WDR49: variants seen among roughly 807,000 people sequenced by gnomAD.
WDR49 encodes the protein WD repeat domain 49.
In WDR49, 107 loss-of-function variants were observed where a neutral mutation model predicts 119.5. The ratio of observed to expected loss-of-function variants is 0.90; its 90% CI spans 0.77 to 1.05. The LOEUF (loss-of-function observed/expected upper bound fraction) is 1.05, where lower values mean the gene tolerates loss of function less well. Among genes scored for constraint, WDR49 ranks in the 50% least tolerant of loss-of-function variants. WDR49 has a pLI of 0.00. For missense variants in WDR49, 1,240 were observed against 1,220.5 expected (o/e 1.02, Z -0.24); for synonymous variants, 425 against 418.8 (o/e 1.01, Z -0.18).
intron 10 of WDR49, among the ~76,000 whole-genome samples, chr3:167,539,564 C>A (rs996696211): frequency 1.3e-5 from 2 of 152,102 alleles, no homozygotes; most frequent in Non-Finnish European, 2.9e-5. Flanking sequence ...AGCTCCTTGG[C>A]TAAATTATAA....
At chr3:167,483,259 G>A (rs2108189015) in intron 18 of WDR49, among the ~76,000 whole-genome samples, 1 of 152,314 alleles carries the variant, frequency 6.6e-6, no homozygotes, top group Non-Finnish European at 1.5e-5. Context: ...CTGCAGATTA[G>A]CACTTTAGAA....
chr3:167,575,022 C>T (rs1032453558), intron 8 of WDR49: 11 of 983,616 alleles, frequency 1.1e-5, no homozygotes, highest in Middle Eastern at 5.2e-4. Flanking sequence ...CCACCCCTTG[C>T]GCAAAATCTC....
At chr3:167,535,269 T>C (rs1752981387) in intron 11 of WDR49, among the ~76,000 whole-genome samples, 1 of 152,062 alleles carries the variant, frequency 6.6e-6, no homozygotes, top group South Asian at 2.1e-4. Flanking sequence ...AATCTATTCA[T>C]GCTCAAAGGA....
intron 10 of WDR49, among the ~76,000 whole-genome samples, chr3:167,541,826 C>T (rs1711855918): frequency 6.6e-6 from 1 of 151,974 alleles, no homozygotes; most frequent in Admixed American, 6.6e-5. Context: ...CATATAAGGA[C>T]TCATAAACTT....
chr3:167,511,583 G>A (rs552299301), intron 16 of WDR49, among the ~76,000 whole-genome samples: 8 of 152,144 alleles, frequency 5.3e-5, no homozygotes, highest in South Asian at 2.1e-4. Context: ...TTTTTCCACC[G>A]ATCTGTGAAA....
intron 10 of WDR49, among the ~76,000 whole-genome samples, chr3:167,547,830 T>G (rs1577231560): frequency 6.6e-6 from 1 of 152,086 alleles, no homozygotes; most frequent in South Asian, 2.1e-4. Flanking sequence ...CATTTTGAAT[T>G]AAGATGTCAA....
intron 12 of WDR49, among the ~76,000 whole-genome samples, chr3:167,532,456 A>G (rs577257142): frequency 4.1e-4 from 62 of 152,264 alleles, no homozygotes; most frequent in Admixed American, 9.8e-4. Context: ...ATAATTTAAG[A>G]TTTCCAGGTG....
chr3:167,500,340 G>T (rs1351477087), intron 17 of WDR49, 41 bp from the exon 18 acceptor site: 5 of 1,598,372 alleles, frequency 3.1e-6, no homozygotes, highest in Non-Finnish European at 4.3e-6. Context: ...GGGAGAAAAA[G>T]GGTACAATAT....
intron 16 of WDR49, among the ~76,000 whole-genome samples, chr3:167,509,381 C>T (rs990892704): frequency 1.3e-5 from 2 of 152,136 alleles, no homozygotes; most frequent in Non-Finnish European, 2.9e-5. Context: ...GGATGTGTTT[C>T]TCTTAAAGAT....
At chr3:167,484,628 C>A (rs558196870) in intron 18 of WDR49, among the ~76,000 whole-genome samples, 20 of 151,134 alleles carry the variant, frequency 1.3e-4, no homozygotes, top group African/African-American at 4.9e-4. Flanking sequence ...GCTGATTTTA[C>A]TTCCCTGGTT....
chr3:167,531,808 T>C (rs931708382), intron 12 of WDR49, among the ~76,000 whole-genome samples: 1 of 152,174 alleles, frequency 6.6e-6, no homozygotes, highest in African/African-American at 2.4e-5. Context: ...ACTGGGGATA[T>C]TCGTCTCAGA....
intron 3 of WDR49, among the ~76,000 whole-genome samples, chr3:167,622,640 C>A (rs1716926814): frequency 6.6e-6 from 1 of 152,044 alleles, no homozygotes; most frequent in Non-Finnish European, 1.5e-5. Flanking sequence ...CAATACTCTA[C>A]TTTCAATGAT....
chr3:167,564,916 A>G (rs181504846), intron 8 of WDR49, among the ~76,000 whole-genome samples: 1 of 152,216 alleles, frequency 6.6e-6, no homozygotes, highest in African/African-American at 2.4e-5. Flanking sequence ...GAAAAAAAAA[A>G]CAGGAATCAA....
chr3:167,591,162 C>G (rs1715085176), intron 7 of WDR49, among the ~76,000 whole-genome samples: 1 of 152,024 alleles, frequency 6.6e-6, no homozygotes, highest in South Asian at 2.1e-4. Context: ...TCTTTATTGA[C>G]ACACTGGTCA....
At chr3:167,535,563 G>A (rs1375850632) in intron 11 of WDR49, among the ~76,000 whole-genome samples, 3 of 152,094 alleles carry the variant, frequency 2.0e-5, no homozygotes, top group African/African-American at 7.2e-5. Context: ...CTTCATTCCA[G>A]TCAGAATGGC....
intron 7 of WDR49, among the ~76,000 whole-genome samples, chr3:167,591,829 G>GTT (rs200956408): frequency 2.0e-5 from 3 of 150,736 alleles, no homozygotes; most frequent in African/African-American, 7.3e-5. Context: ...ATTGGGTCTT[G>GTT]TTTTTTTTTA....
At chr3:167,540,073 T>C (rs1711690890) in intron 10 of WDR49, among the ~76,000 whole-genome samples, 1 of 152,156 alleles carries the variant, frequency 6.6e-6, no homozygotes, top group African/African-American at 2.4e-5. Flanking sequence ...ACCTCCTGGC[T>C]GGAGGCCAAC....
At chr3:167,512,823 A>G (rs904281146) in intron 16 of WDR49, among the ~76,000 whole-genome samples, 1 of 152,228 alleles carries the variant, frequency 6.6e-6, no homozygotes, top group Non-Finnish European at 1.5e-5. Context: ...ACAAGTGTCA[A>G]TAGCTGAATA....
At chr3:167,532,850 T>C (rs748637632) in intron 12 of WDR49, 29 bp downstream of exon 12, 1 of 1,548,872 alleles carries the variant, frequency 6.5e-7, no homozygotes, top group South Asian at 1.1e-5. Context: ...TGACTAGCCA[T>C]GTTATTTTCG....
Sources: allele counts gnomAD v4.1 joint callset (sites outside exome capture counted in the v4.1 genomes callset), GRCh38; gene constraint gnomAD v4.1.1; transcripts MANE v1.5; gene names NCBI Gene and HGNC (gene_info 2026-07-23, HGNC 2026-07-21).